The following PRELID2 variants were observed in gnomAD, a reference collection of about 807,000 sequenced individuals.
The protein encoded by PRELID2 is PRELI domain containing 2.
In PRELID2, 25 loss-of-function variants were observed where a neutral mutation model predicts 28.4. The ratio of observed to expected loss-of-function variants is 0.88; its 90% CI spans 0.64 to 1.23. PRELID2 has a LOEUF of 1.23. PRELID2 is among the 50% of genes most tolerant of loss of function. The probability of loss-of-function intolerance (pLI) is 0.00; values close to 1 mark genes in which losing one functional copy is unlikely to be tolerated. For synonymous variants in PRELID2, 76 were observed against 71.6 expected, an observed-to-expected ratio of 1.06 and a Z score of -0.31; for missense variants, 201 against 214.4, an observed-to-expected ratio of 0.94 and a Z score of 0.39.
intron 1 of PRELID2, among the ~76,000 whole-genome samples, chr5:145,652,870 A>G (rs1269955420): frequency 6.6e-6 from 1 of 152,236 alleles, no homozygotes; most frequent in African/African-American, 2.4e-5. Flanking sequence ...AGCTATCATC[A>G]TAATGACAGG....
the PRELID2 span, chr5:145,229,925 C>T: frequency 1.6e-4 from 120 of 750,524 alleles, no homozygotes; most frequent in East Asian, 1.5e-3. Flanking sequence ...TGTCTCTCTA[C>T]AATGAGGAGC....
intron 1 of PRELID2, among the ~76,000 whole-genome samples, chr5:145,717,168 G>A (rs1410302523): frequency 6.6e-6 from 1 of 152,088 alleles, no homozygotes; most frequent in Non-Finnish European, 1.5e-5. Context: ...ATTAAGGAAA[G>A]CCACATACTA....
chr5:145,742,087 T>G lies in PRELID2; in HGVS notation n.70+22844A>C, dbSNP rs1342696767. Among the ~76,000 whole-genome samples, 8 of 5,008 alleles carry G rather than the reference T, an allele frequency of 1.6e-3. No individual in the cohort carries two copies. In the East Asian group the frequency reaches 0.081, roughly 51 times the overall value. The allele number at this position is 5,008 out of a possible 152,430, so 3.3% of individuals were successfully genotyped here. A position where few individuals can be genotyped will look rare whatever the true frequency, so the allele number is the denominator to read the frequency against. ...ATTTATAATTATACGTAATTATATA[T>G]TTATAATTACATATAATTATATATA... On this transcript the variant is annotated intron_variant and non_coding_transcript_variant, in intron 1 of 2. Transcript: ENST00000510259.
chr5:145,334,978 T>C, the PRELID2 span, among the ~76,000 whole-genome samples: 3 of 152,152 alleles, frequency 2.0e-5, no homozygotes, highest in East Asian at 3.8e-4. Context: ...TTGGGGACCT[T>C]TGAGGTATAT....
At chr5:145,710,395 T>G (rs1217131117) in intron 1 of PRELID2, among the ~76,000 whole-genome samples, 1 of 152,186 alleles carries the variant, frequency 6.6e-6, no homozygotes, top group Non-Finnish European at 1.5e-5. Context: ...ACAATTAACC[T>G]TTCTGGGCCT....
At chr5:145,741,574 TATAA>T (rs377221873) in intron 1 of PRELID2, among the ~76,000 whole-genome samples, 3 of 15,688 alleles carry the variant, frequency 1.9e-4, no homozygotes, top group African/African-American at 4.8e-4. Flanking sequence ...AAAATTTATT[TATAA>T]ATAATTTATA....
intron 1 of PRELID2, among the ~76,000 whole-genome samples, chr5:145,573,508 C>T (rs561469979): frequency 3.9e-5 from 6 of 152,142 alleles, no homozygotes; most frequent in East Asian, 1.9e-4. Context: ...TTCCTCTGCC[C>T]GCACAACAGG....
the PRELID2 span, among the ~76,000 whole-genome samples, chr5:145,263,173 T>C: frequency 6.6e-6 from 1 of 152,012 alleles, no homozygotes; most frequent in African/African-American, 2.4e-5. Context: ...CACTAAAGCT[T>C]CAAAATTTAT....
At chr5:145,413,611 T>TACACACAC in the PRELID2 span, among the ~76,000 whole-genome samples, 639 of 140,154 alleles carry the variant, frequency 4.6e-3, 3 homozygotes, top group East Asian at 0.024. Flanking sequence ...ATGAAGAAAA[T>TACACACAC]ACACACACAC....
At chr5:145,366,288 T>C in the PRELID2 span, among the ~76,000 whole-genome samples, 1 of 151,948 alleles carries the variant, frequency 6.6e-6, no homozygotes, top group African/African-American at 2.4e-5. Context: ...AATAGCTCCA[T>C]ATTCATGTTT....
the PRELID2 span, among the ~76,000 whole-genome samples, chr5:145,422,815 A>C: frequency 6.7e-6 from 1 of 148,680 alleles, no homozygotes; most frequent in Non-Finnish European, 1.5e-5. Flanking sequence ...TGGTTGATGC[A>C]GTTTCTTCCT....
downstream of PRELID2, among the ~76,000 whole-genome samples, chr5:145,755,835 A>G (rs1282679128): frequency 1.3e-5 from 2 of 152,208 alleles, no homozygotes; most frequent in African/African-American, 4.8e-5. Flanking sequence ...CCCCTAAAGG[A>G]AGGATCATCA....
At chr5:145,604,746 T>C (rs112772666) in intron 1 of PRELID2, among the ~76,000 whole-genome samples, 1 of 114,316 alleles carries the variant, frequency 8.7e-6, no homozygotes, top group African/African-American at 4.1e-5. Context: ...CTGTTTTTTT[T>C]GGTTTTTTTT....
chr5:145,312,957 G>C, the PRELID2 span, among the ~76,000 whole-genome samples: 1 of 151,792 alleles, frequency 6.6e-6, no homozygotes. Context: ...TCTAACTAAA[G>C]AAATCTATAA....
intron 1 of PRELID2, among the ~76,000 whole-genome samples, chr5:145,656,594 C>T (rs1754400231): frequency 6.6e-6 from 1 of 152,144 alleles, no homozygotes; most frequent in East Asian, 1.9e-4. Flanking sequence ...GAGTTCATGT[C>T]CTTTGTAGAG....
At chr5:145,771,293 G>A (rs1029046752) in intron 5 of PRELID2, among the ~76,000 whole-genome samples, 8 of 152,050 alleles carry the variant, frequency 5.3e-5, no homozygotes, top group African/African-American at 1.9e-4. Context: ...GCCTGGGTAT[G>A]TTGTAGGCTC....
intron 1 of PRELID2, among the ~76,000 whole-genome samples, chr5:145,603,914 CAG>C (rs1753455037): frequency 6.6e-6 from 1 of 151,622 alleles, no homozygotes; most frequent in Non-Finnish European, 1.5e-5. Flanking sequence ...TAAATATAAA[CAG>C]AATGATTAAA....
At chr5:145,762,831 T>A (rs2149766499) in intron 6 of PRELID2, among the ~76,000 whole-genome samples, 1 of 152,322 alleles carries the variant, frequency 6.6e-6, no homozygotes, top group Non-Finnish European at 1.5e-5. Flanking sequence ...ACCGAATACA[T>A]GACAACAATA....
At chr5:145,335,322 T>C in the PRELID2 span, among the ~76,000 whole-genome samples, 1 of 152,036 alleles carries the variant, frequency 6.6e-6, no homozygotes, top group Non-Finnish European at 1.5e-5. Flanking sequence ...TTTTTAATCA[T>C]TTATATCTCT....
Sources: allele counts gnomAD v4.1 joint callset (sites outside exome capture counted in the v4.1 genomes callset), GRCh38; gene constraint gnomAD v4.1.1; transcripts MANE v1.5; gene names NCBI Gene and HGNC (gene_info 2026-07-23, HGNC 2026-07-21).